The following PDE6C variants were observed in gnomAD, a reference collection of about 807,000 sequenced individuals.
The protein encoded by PDE6C is phosphodiesterase 6C.
PDE6C carries 75 observed loss-of-function variants against 113.1 expected under a neutral mutation model. That is an observed-to-expected ratio of 0.66 (90% CI 0.55 to 0.80). PDE6C has a LOEUF of 0.80. Among genes scored for constraint, PDE6C ranks in the 30% least tolerant of loss-of-function variants. The pLI is 0.00. For synonymous variants in PDE6C, 375 were observed against 363.7 expected (o/e 1.03, Z -0.35); for missense variants, 912 against 1,038.6 (o/e 0.88, Z 1.67).
intron 16 of PDE6C, among the ~76,000 whole-genome samples, chr10:93,658,345 T>C (rs829107): frequency 0.86 from 130,832 of 152,088 alleles, 56,697 homozygotes; most frequent in African/African-American, 0.96. Context: ...TCTTGATTAG[T>C]AGTGAGACCA....
At chr10:93,615,956 T>C (rs183408199) in intron 1 of PDE6C, among the ~76,000 whole-genome samples, 1 of 152,298 alleles carries the variant, frequency 6.6e-6, no homozygotes, top group Admixed American at 6.5e-5. Flanking sequence ...TGAGTATGTG[T>C]CCAGTGCTGT....
chr10:93,627,888 A>G (rs1267971327), intron 7 of PDE6C, among the ~76,000 whole-genome samples: 1 of 152,216 alleles, frequency 6.6e-6, no homozygotes, highest in African/African-American at 2.4e-5. Context: ...GAGTACTACA[A>G]AAATAGTAGA....
intron 15 of PDE6C, among the ~76,000 whole-genome samples, chr10:93,652,371 C>T (rs1048979851): frequency 2.6e-5 from 4 of 151,870 alleles, no homozygotes; most frequent in Admixed American, 2.0e-4. Flanking sequence ...AAAGGGAGAA[C>T]AGAGAAAATC....
intron 1 of PDE6C, 79 bp downstream of exon 1, chr10:93,613,284 C>A: frequency 6.3e-7 from 1 of 1,580,478 alleles, no homozygotes; most frequent in South Asian, 1.1e-5. Flanking sequence ...ATAGTGCTAT[C>A]CTTGTGGCAT....
Position 93,659,135 on chromosome 10 carries a change from G to T in PDE6C, c.2176G>T (p.Ala726Ser). The change falls in exon 18 of 22, where the codon GCT becomes TCT. Residue 726 changes from alanine (A) to serine (S), a missense_variant. Physicochemically the swap from Ala to Ser is moderately conservative, Grantham distance 99. Transcript: ENST00000371447. ...GATGATGACGGCATGTGACTTGTCT[G>T]CTATTACCAAGCCCTGGGAGGTGCA... ...AMMMTACDLS[A>S]ITKPWEVQSQ... 1 of 1,611,376 alleles carries T rather than the reference G, an allele frequency of 6.2e-7. No homozygotes were observed. The highest frequency in any genetic ancestry group is 1.1e-5 in the South Asian group (1 of 90,898).
At chr10:93,625,174 T>C (rs1324545575) in intron 4 of PDE6C, among the ~76,000 whole-genome samples, 1 of 152,186 alleles carries the variant, frequency 6.6e-6, no homozygotes, top group Non-Finnish European at 1.5e-5. Flanking sequence ...AGACAGAGAA[T>C]GAATGTTGGG....
chr10:93,626,824 T>A lies in PDE6C; in HGVS notation c.1024T>A (p.Trp342Arg). The A allele has an allele frequency of 1.2e-6, 2 of 1,614,088 alleles. No individual in the cohort carries two copies. Among genetic ancestry groups the A allele is most frequent in the Non-Finnish European group, 1.7e-6 (2 of 1,179,974 alleles). ...KVIPTPPADH[W>R]TLISGLPTYV... ...CCCAAGGACGCCTCCTGCAGACCACTGGACACTCATTAGTGGGTTGCCAAC... is the reference window on the plus strand; with the variant it reads ...CCCAAGGACGCCTCCTGCAGACCACAGGACACTCATTAGTGGGTTGCCAAC... Residue 342 changes from tryptophan to arginine, a missense_variant, in exon 7 of 22, where the codon TGG (tryptophan) becomes AGG (arginine). Transcript: ENST00000371447.
chr10:93,654,360 C>A (rs1272056496), intron 15 of PDE6C, among the ~76,000 whole-genome samples: 1 of 152,178 alleles, frequency 6.6e-6, no homozygotes, highest in African/African-American at 2.4e-5. Context: ...ACTCTGGAAC[C>A]ATGCTGCACT....
At chr10:93,633,731 A>ATTC (rs2058514441) in intron 8 of PDE6C, among the ~76,000 whole-genome samples, 1 of 152,220 alleles carries the variant, frequency 6.6e-6, no homozygotes, top group African/African-American at 2.4e-5. Flanking sequence ...ATCAGTCAGA[A>ATTC]AAACAAAAAC....
chr10:93,663,084 C>CA lies in PDE6C; in HGVS notation c.2425dup (p.Arg809LysfsTer9). 6.2e-7 allele frequency: 1 copy of CA among 1,613,074 alleles called. No individual in the cohort carries two copies. Among genetic ancestry groups the CA allele is most frequent in the Non-Finnish European group, 8.5e-7 (1 of 1,179,416 alleles). ...CTATGCTGAGTGGTCTTCAGAATAA[C>CA]AGAGTAGAATGGAAATCACTAGCTG... On this transcript the variant is annotated frameshift_variant, in exon 21 of 22. Transcript: ENST00000371447. LOFTEE classifies it high-confidence loss of function.
chr10:93,645,953 C>T lies in PDE6C; in HGVS notation c.1848-7C>T. 1 of 1,565,698 alleles carries T rather than the reference C, an allele frequency of 6.4e-7. No individual in the cohort carries two copies. Among genetic ancestry groups the T allele is most frequent in the Non-Finnish European group, 8.8e-7 (1 of 1,136,114 alleles). ...GCTAGAATCATGGCATGTTGTTTTCCTTCTAGATCCACGTCTCCATTAGCA... is the reference window on the plus strand; with the variant it reads ...GCTAGAATCATGGCATGTTGTTTTCTTTCTAGATCCACGTCTCCATTAGCA... On this transcript the variant is annotated splice_region_variant and splice_polypyrimidine_tract_variant and intron_variant, in intron 14 of 21. Coordinates refer to ENST00000371447, the MANE Select transcript of PDE6C (RefSeq NM_006204.4).
At chr10:93,648,853 TATG>T (rs1410437896) in intron 15 of PDE6C, among the ~76,000 whole-genome samples, 2 of 152,216 alleles carry the variant, frequency 1.3e-5, no homozygotes, top group East Asian at 1.9e-4. Flanking sequence ...TTCCAAAGCG[TATG>T]ATAATTTTAT....
intron 12 of PDE6C, 38 bp downstream of exon 12, chr10:93,640,254 G>C: frequency 6.3e-7 from 1 of 1,582,074 alleles, no homozygotes; most frequent in Non-Finnish European, 8.7e-7. Context: ...GTGTGATTCT[G>C]TGGCTCTGCT....
At chr10:93,621,744 C>T (rs1458896135) in intron 3 of PDE6C, among the ~76,000 whole-genome samples, 188 bp from the exon 4 acceptor site, 2 of 152,234 alleles carry the variant, frequency 1.3e-5, no homozygotes, top group African/African-American at 4.8e-5. Context: ...TTGCAAAAGT[C>T]TACTCATCAT....
intron 15 of PDE6C, among the ~76,000 whole-genome samples, chr10:93,650,943 ATTGT>A (rs1470181384): frequency 2.0e-5 from 3 of 152,082 alleles, no homozygotes; most frequent in East Asian, 1.9e-4. Flanking sequence ...AATTTCCACT[ATTGT>A]TTATTTTAAT....
chr10:93,639,999 A>G (rs1225396344), intron 11 of PDE6C, 71 bp from the exon 12 acceptor site: 3 of 1,523,038 alleles, frequency 2.0e-6, no homozygotes, highest in Admixed American at 1.7e-5. Context: ...TTTACACCCA[A>G]TGTTGGCTAT....
Position 93,665,350 on chromosome 10 carries a change from A to G in PDE6C, c.2519-10A>G, listed in dbSNP as rs2058685202. The G allele has an allele frequency of 6.2e-7, 1 of 1,604,274 alleles. No homozygotes were observed. Among genetic ancestry groups the G allele is most frequent in the Non-Finnish European group, 8.5e-7 (1 of 1,171,232 alleles). On this transcript the variant is annotated splice_polypyrimidine_tract_variant and intron_variant, in intron 21 of 21. Coordinates refer to ENST00000371447, the MANE Select transcript of PDE6C (RefSeq NM_006204.4). Reference sequence around the variant, plus strand: ...ACTCCTAATAATATTGCTTTCCTTGATTTTACTAGCTGCTGAAGATTCAGG... The same window carrying G: ...ACTCCTAATAATATTGCTTTCCTTGGTTTTACTAGCTGCTGAAGATTCAGG...
At chr10:93,616,484 T>G (rs182882468) in intron 1 of PDE6C, among the ~76,000 whole-genome samples, 8 of 152,282 alleles carry the variant, frequency 5.3e-5, no homozygotes, top group Admixed American at 5.2e-4. Context: ...GATAAGCAAA[T>G]GTACAGATTA....
At chr10:93,620,273 G>T (rs970884176) in intron 1 of PDE6C, among the ~76,000 whole-genome samples, 5 of 152,254 alleles carry the variant, frequency 3.3e-5, no homozygotes, top group African/African-American at 9.6e-5. Flanking sequence ...TCCTAGCTGT[G>T]CTCTCCTTCC....
Sources: allele counts gnomAD v4.1 joint callset (sites outside exome capture counted in the v4.1 genomes callset), GRCh38; gene constraint gnomAD v4.1.1; transcripts MANE v1.5; gene names NCBI Gene and HGNC (gene_info 2026-07-23, HGNC 2026-07-21).